Variants in FNBP1 observed in about 807,000 individuals in gnomAD.
The protein encoded by FNBP1 is formin binding protein 1.
Under a neutral mutation model 90.6 loss-of-function variants are expected in FNBP1, and 26 were observed. The ratio of observed to expected loss-of-function variants is 0.29; its 90% confidence interval spans 0.21 to 0.40. The LOEUF (loss-of-function observed/expected upper bound fraction) is 0.40. Ranked by LOEUF, FNBP1 falls within the 10% of genes least tolerant of loss-of-function variation. FNBP1 has a pLI of 1.00. For missense variants in FNBP1, 635 were observed against 768.0 expected (o/e 0.83, Z 2.05); for synonymous variants, 260 against 265.2 (o/e 0.98, Z 0.19).
chr9:129,921,107 T>C (rs778983957), intron 10 of FNBP1, among the ~76,000 whole-genome samples: 20 of 152,156 alleles, frequency 1.3e-4, no homozygotes, highest in African/African-American at 4.3e-4. Context: ...CCTGATATGA[T>C]AGATAGCATT....
intron 4 of FNBP1, among the ~76,000 whole-genome samples, chr9:129,965,823 GGAAGGA>G (rs1235409855): frequency 4.7e-5 from 7 of 147,456 alleles, no homozygotes; most frequent in African/African-American, 1.8e-4. Context: ...GAGGGAGGAA[GGAAGGA>G]AGGAAGGAAG....
In FNBP1 at chr9:129,958,529, G is replaced by C; in HGVS notation, c.370C>G (p.Gln124Glu). 6.3e-7 allele frequency: 1 copy of C among 1,598,154 alleles called. No homozygotes were observed. Among genetic ancestry groups the C allele is most frequent in the African/African-American group, 1.3e-5 (1 of 74,840 alleles). The change falls in exon 5 of 17, where the codon CAG becomes GAG. Residue 124 changes from glutamine to glutamate, a missense_variant. Gln to Glu is a conservative substitution (Grantham distance 29). Coordinates refer to ENST00000446176, the MANE Select transcript of FNBP1 (RefSeq NM_015033.3). ...TTCCAGCAAGTCTCGATGTGCTGCT[G>C]TGCTTTACGGCCATCGTGAAAGTTC... is the stretch of plus-strand genomic sequence containing the variant. ...KSNFHDGRKA[Q>E]QHIETCWKQL...
At chr9:129,972,449 T>C (rs1391482659) in intron 4 of FNBP1, among the ~76,000 whole-genome samples, 2 of 152,036 alleles carry the variant, frequency 1.3e-5, no homozygotes, top group Admixed American at 6.6e-5. Context: ...AATTACACAT[T>C]TTTAGAAAGG....
intron 2 of FNBP1, among the ~76,000 whole-genome samples, chr9:129,980,424 A>G (rs2051018537): frequency 6.6e-6 from 1 of 151,938 alleles, no homozygotes; most frequent in South Asian, 2.1e-4. Flanking sequence ...CTGCTCTACC[A>G]GCGAGCGCAT....
chr9:129,914,825 A>G, intron 11 of FNBP1: 1 of 293,802 alleles, frequency 3.4e-6, no homozygotes, highest in Non-Finnish European at 7.0e-6. Flanking sequence ...TAGGTTATCA[A>G]TAGTGTGCTT....
chr9:130,049,939 T>C, the FNBP1 span, among the ~76,000 whole-genome samples: 1 of 152,096 alleles, frequency 6.6e-6, no homozygotes, highest in South Asian at 2.1e-4. Context: ...TGCAGTGGCA[T>C]GATCATAGCT....
chr9:129,968,106 A>T (rs535282676), intron 4 of FNBP1, among the ~76,000 whole-genome samples: 1 of 152,312 alleles, frequency 6.6e-6, no homozygotes, highest in East Asian at 1.9e-4. Context: ...TTCAAAACAA[A>T]GAAGATGGCT....
At chr9:130,052,744 G>T in the FNBP1 span, among the ~76,000 whole-genome samples, 1 of 151,720 alleles carries the variant, frequency 6.6e-6, no homozygotes, top group Non-Finnish European at 1.5e-5. Context: ...GCCTCATTTC[G>T]TTTTTAGTAC....
intron 12 of FNBP1, 101 bp from the exon 13 acceptor site, chr9:129,903,102 G>A (rs953798646): frequency 1.2e-5 from 14 of 1,150,864 alleles, no homozygotes; most frequent in East Asian, 2.6e-5. Flanking sequence ...GTGCGATCTC[G>A]GCTCACTGCA....
Position 129,978,586 on chromosome 9 carries a change from G to T in FNBP1, c.224C>A (p.Ser75Tyr), listed in dbSNP as rs1011940955. 1 of 1,613,748 alleles carries T rather than the reference G, an allele frequency of 6.2e-7. No individual in the cohort carries two copies. The highest frequency in any genetic ancestry group is 8.5e-7 in the Non-Finnish European group (1 of 1,179,832). Reference protein sequence around the residue: ...YKYTSCKAFISNLNEMNDYAG... With the variant: ...YKYTSCKAFIYNLNEMNDYAG... ...GTAATCATTCATTTCGTTCAGGTTG[G>T]AAATGAAAGCTTTACATGACGTATA... is the stretch of plus-strand genomic sequence containing the variant. Residue 75 changes from serine (S) to tyrosine (Y), a missense_variant, in exon 4 of 17, where the codon TCC (serine) becomes TAC (tyrosine). By Grantham distance (144) the Ser-to-Tyr change is moderately radical. Transcript: ENST00000446176.
rs571681677 is a variant in FNBP1 at position 129,959,096 on chromosome 9, A to G, written c.346-543T>C. ...AGTTTCACTTGGGGGGAAAAAAAGC[A>G]GTCACAGAGTTCCCTTTACAGCTTT... is the stretch of plus-strand genomic sequence containing the variant. On this transcript the variant is annotated intron_variant, in intron 4 of 16. Transcript: ENST00000446176. 2.0e-5 allele frequency among the ~76,000 whole-genome samples: 3 copies of G among 151,638 alleles called. No homozygotes were observed. In the South Asian group the frequency reaches 6.3e-4, roughly 32 times the overall value.
intron 16 of FNBP1, among the ~76,000 whole-genome samples, chr9:129,892,961 T>G (rs1357231136): frequency 6.6e-6 from 1 of 152,126 alleles, no homozygotes; most frequent in Non-Finnish European, 1.5e-5. Context: ...CGAAATAAAT[T>G]TGAATAATCA....
chr9:129,995,051 C>T, intron 1 of FNBP1, 93 bp from the exon 2 acceptor site: 1 of 697,884 alleles, frequency 1.4e-6, no homozygotes, highest in Non-Finnish European at 2.5e-6. Flanking sequence ...TTACTACATA[C>T]AAAGTAGTAC....
intron 1 of FNBP1, among the ~76,000 whole-genome samples, chr9:130,001,139 T>C (rs1007431397): frequency 1.3e-5 from 2 of 152,020 alleles, no homozygotes; most frequent in Non-Finnish European, 2.9e-5. Flanking sequence ...GAGACCAGCC[T>C]GGCCAACGTG....
chr9:129,931,609 A>AAAC (rs1554791822), intron 6 of FNBP1, among the ~76,000 whole-genome samples: 9 of 151,468 alleles, frequency 5.9e-5, no homozygotes, highest in African/African-American at 2.2e-4. Flanking sequence ...CCGTCTCAAA[A>AAAC]AATAATAATA....
At chr9:129,951,570 T>C (rs2132621817) in intron 6 of FNBP1, among the ~76,000 whole-genome samples, 1 of 151,880 alleles carries the variant, frequency 6.6e-6, no homozygotes, top group Non-Finnish European at 1.5e-5. Context: ...CCCTCCAGAG[T>C]AGGTGGGACT....
At chr9:129,951,637 G>T (rs934310707) in intron 6 of FNBP1, among the ~76,000 whole-genome samples, 5 of 151,644 alleles carry the variant, frequency 3.3e-5, no homozygotes, top group Admixed American at 2.6e-4. Flanking sequence ...TAGAGACAAG[G>T]TCTCACCATG....
intron 10 of FNBP1, among the ~76,000 whole-genome samples, chr9:129,923,013 G>A (rs1011693016): frequency 2.0e-5 from 3 of 151,696 alleles, no homozygotes; most frequent in Non-Finnish European, 4.4e-5. Flanking sequence ...GAGACACTGC[G>A]CTTGTCCTAT....
In FNBP1 at chr9:130,043,181, A is replaced by C. The variant is rs2059994898; in HGVS notation, c.-206T>G. On this transcript the variant is annotated 5_prime_UTR_variant, in exon 1 of 17. Coordinates refer to ENST00000446176, the MANE Select transcript of FNBP1 (RefSeq NM_015033.3). ...CCACAGCAAAATGGCCCGAGGAAGC[A>C]GCAGCCGCGGCCGCCGCAGCGCCCG... 3 of 382,770 alleles carry C rather than the reference A, an allele frequency of 7.8e-6. No individual in the cohort carries two copies. The Admixed American group carries it at 1.4e-4, about 18-fold the overall frequency. The allele number at this position is 382,770 out of a possible 1,614,324, so 23.7% of individuals were successfully genotyped here.
Sources: allele counts gnomAD v4.1 joint callset (sites outside exome capture counted in the v4.1 genomes callset), GRCh38; gene constraint gnomAD v4.1.1; transcripts MANE v1.5; gene names NCBI Gene and HGNC (gene_info 2026-07-23, HGNC 2026-07-21).